C11orf65: variants seen among roughly 807,000 people sequenced by gnomAD.
C11orf65 encodes the protein chromosome 11 open reading frame 65.
In C11orf65, 38 loss-of-function variants were observed where a neutral mutation model predicts 35.3. The ratio of observed to expected loss-of-function variants is 1.08; its 90% CI spans 0.83 to 1.41. C11orf65 has a LOEUF of 1.41. Among genes scored for constraint, C11orf65 ranks in the 40% most tolerant of loss-of-function variants. The pLI, the probability that C11orf65 is intolerant of heterozygous loss-of-function variation, is 0.00. For synonymous variants in C11orf65, 105 were observed against 114.4 expected (o/e 0.92, Z 0.53); for missense variants, 370 against 367.1 (o/e 1.01, Z -0.06).
chr11:108,459,219 A>G (rs532216440), intron 2 of C11orf65, among the ~76,000 whole-genome samples: 1 of 152,310 alleles, frequency 6.6e-6, no homozygotes, highest in South Asian at 2.1e-4. Flanking sequence ...TAGCTTTCTC[A>G]GATAGTTCAT....
At position 108,334,006 on chromosome 11, in the gene C11orf65, AT is replaced by A. The variant is rs752819265; in HGVS notation, c.299+1213del. On this transcript the variant is annotated intron_variant, in intron 3 of 3. Transcript: ENST00000524755. Reference sequence around the variant, plus strand: ...TAACTCTTGATTTTTTTTAAACTAAATTTTTTTTATTAGATTGAACCATTTG... The same window carrying A: ...TAACTCTTGATTTTTTTTAAACTAAATTTTTTTATTAGATTGAACCATTTG... 4.4e-5 allele frequency: 65 copies of A among 1,487,402 alleles called. No homozygotes were observed. The highest frequency in any genetic ancestry group is 1.0e-4 in the Admixed American group (6 of 59,606). 92.1% of individuals were successfully genotyped at this position (1,487,402 alleles called of 1,614,324 possible).
At position 108,443,339 on chromosome 11, in the gene C11orf65, C is replaced by T. The variant is rs368452610; in HGVS notation, c.82-11501G>A. Among the ~76,000 whole-genome samples, 3 of 152,212 alleles carry T rather than the reference C, an allele frequency of 2.0e-5. No homozygotes were observed. The East Asian group carries it at 5.8e-4, about 29-fold the overall frequency. On this transcript the variant is annotated intron_variant, in intron 2 of 8. Coordinates refer to ENST00000393084, the MANE Select transcript of C11orf65 (RefSeq NM_152587.5). ...GATTCATAAAGCAAGTCCTGAGTGA[C>T]CTACAAAGAGACTTAGACTCCCACA...
At chr11:108,352,074 C>A (rs227041) in intron 2 of C11orf65, among the ~76,000 whole-genome samples, 79,547 of 151,856 alleles carry the variant, frequency 0.52, 21,719 homozygotes, top group Middle Eastern at 0.73. Context: ...TAAGGAAGAT[C>A]CTGAGTCTCG....
At chr11:108,329,759 A>C (rs1164977957), downstream of C11orf65, among the ~76,000 whole-genome samples, 3 of 152,150 alleles carry the variant, frequency 2.0e-5, no homozygotes, top group African/African-American at 7.2e-5. Flanking sequence ...TAAGATATTG[A>C]CGTGTTCTTT....
At chr11:108,338,043 A>G (rs2087046995) in intron 2 of C11orf65, among the ~76,000 whole-genome samples, 1 of 152,242 alleles carries the variant, frequency 6.6e-6, no homozygotes, top group African/African-American at 2.4e-5. Context: ...ATTTTACCAT[A>G]TAAGTTATTC....
At chr11:108,367,222 C>G in intron 2 of C11orf65, 1 of 178,630 alleles carries the variant, frequency 5.6e-6, no homozygotes, top group Non-Finnish European at 1.2e-5. Context: ...CGCTTGACCT[C>G]GTGATCCACC....
chr11:108,395,767 C>T (rs996796837), intron 6 of C11orf65, among the ~76,000 whole-genome samples: 48 of 151,286 alleles, frequency 3.2e-4, no homozygotes, highest in African/African-American at 1.1e-3. Context: ...ACTACAGGCG[C>T]CTGCCACCAC....
intron 6 of C11orf65, among the ~76,000 whole-genome samples, chr11:108,314,191 CT>C (rs2084410011): frequency 6.6e-6 from 1 of 152,114 alleles, no homozygotes; most frequent in South Asian, 2.1e-4. Flanking sequence ...TCATAACACA[CT>C]GCAAGCTCTG....
intron 1 of C11orf65, chr11:108,462,521 T>C (rs2135772842): frequency 6.6e-6 from 1 of 152,226 alleles, no homozygotes; most frequent in African/African-American, 2.4e-5. Context: ...TTCAAGTTTA[T>C]CTTGAAAGTC....
chr11:108,451,418 G>T (rs1328316243), intron 2 of C11orf65, among the ~76,000 whole-genome samples: 16 of 152,050 alleles, frequency 1.1e-4, no homozygotes, highest in Non-Finnish European at 2.2e-4. Context: ...TTGCTACAGA[G>T]AATAAAATAT....
chr11:108,373,029 G>A (rs766720660), intron 2 of C11orf65, among the ~76,000 whole-genome samples: 3 of 151,942 alleles, frequency 2.0e-5, no homozygotes, highest in African/African-American at 4.8e-5. Context: ...GCAGTGGGCC[G>A]AGACGTGCCA....
chr11:108,340,012 T>C (rs1326805891), intron 2 of C11orf65: 1 of 152,210 alleles, frequency 6.6e-6, no homozygotes, highest in African/African-American at 2.4e-5. Flanking sequence ...TCTATAGAAG[T>C]AGTAAAACAT....
chr11:108,368,631 G>A (rs544596323), intron 2 of C11orf65: 45 of 217,508 alleles, frequency 2.1e-4, no homozygotes, highest in Middle Eastern at 1.4e-3. Context: ...CCAGTCAGTT[G>A]CTCAAAAGGT....
chr11:108,408,993 T>C (rs1030602519), intron 3 of C11orf65, among the ~76,000 whole-genome samples: 14 of 152,142 alleles, frequency 9.2e-5, no homozygotes, highest in Admixed American at 3.9e-4. Flanking sequence ...TTATAAAACA[T>C]ATTTTCTATA....
chr11:108,404,027 G>A (rs999922589), intron 6 of C11orf65, among the ~76,000 whole-genome samples: 37 of 152,114 alleles, frequency 2.4e-4, no homozygotes, highest in African/African-American at 8.9e-4. Flanking sequence ...ATCTGGAGAA[G>A]TCTGCACATA....
In C11orf65 at chr11:108,415,922, G is replaced by GA. The variant is rs368228039; in HGVS notation, c.175-8774dup. Among the ~76,000 whole-genome samples, 1,219 of 148,900 alleles carry GA rather than the reference G, an allele frequency of 8.2e-3. 12 individuals carry two copies. Among genetic ancestry groups the GA allele is most frequent in the African/African-American group, 0.026 (1,076 of 40,706 alleles). ...GGACATTGCGGGAATCCACGTTCAA[G>GA]AAAAAAAAAATCTAGACAAAGATCT... is the stretch of plus-strand genomic sequence containing the variant. On this transcript the variant is annotated intron_variant, in intron 3 of 8. Coordinates refer to ENST00000393084, the MANE Select transcript of C11orf65 (RefSeq NM_152587.5).
At chr11:108,392,059 T>G (rs2092175325) in intron 7 of C11orf65, among the ~76,000 whole-genome samples, 1 of 150,654 alleles carries the variant, frequency 6.6e-6, no homozygotes, top group Admixed American at 6.6e-5. Flanking sequence ...TGGCTTTTTG[T>G]GTGTGTGTGT....
chr11:108,309,054 A>C, exon 7 of C11orf65: 1 of 1,508,692 alleles, frequency 6.6e-7, no homozygotes, highest in Non-Finnish European at 8.9e-7. Context: ...ATGCTGAATA[A>C]GATCCTGAAG....
chr11:108,337,624 C>G (rs1366491948), intron 2 of C11orf65, among the ~76,000 whole-genome samples: 1 of 152,192 alleles, frequency 6.6e-6, no homozygotes, highest in Non-Finnish European at 1.5e-5. Context: ...ACCCACCAGT[C>G]TACTTGTTCT....
Sources: gnomAD v4.1 joint callset for allele counts (sites outside exome capture counted in the v4.1 genomes callset) on GRCh38, gnomAD v4.1.1 for gene constraint, MANE v1.5 for transcripts, NCBI Gene and HGNC (gene_info 2026-07-23, HGNC 2026-07-21) for gene names.